The following MSI2 variants were observed in gnomAD, a reference collection of about 807,000 sequenced individuals.
MSI2 encodes the protein musashi RNA binding protein 2.
A neutral mutation model predicts 45.6 loss-of-function variants in MSI2; 17 were observed. That is an observed-to-expected ratio of 0.37 (90% CI 0.26 to 0.56). The LOEUF is 0.56. MSI2 is among the 20% of genes least tolerant of loss of function. The pLI, the probability that MSI2 is intolerant of heterozygous loss-of-function variation, is 0.77. For missense variants in MSI2, 293 were observed against 444.2 expected (o/e 0.66, Z 3.06); for synonymous variants, 156 against 158.2 (o/e 0.99, Z 0.11).
Position 57,681,409 on chromosome 17 carries a change from G to A in MSI2, c.*1892G>A, listed in dbSNP as rs1913587051. Reference sequence around the variant, plus strand: ...TTAAATTGTTACGTTTATAAATTTGGTACTTAAGGCACAGCCAGTATGAGA... The same window carrying A: ...TTAAATTGTTACGTTTATAAATTTGATACTTAAGGCACAGCCAGTATGAGA... On this transcript the variant is annotated 3_prime_UTR_variant, in exon 14 of 14. Transcript: ENST00000284073. 1 of 178,702 alleles carries A rather than the reference G, an allele frequency of 5.6e-6. No individual in the cohort carries two copies. The highest frequency in any genetic ancestry group is 6.3e-5 in the Admixed American group (1 of 15,870). 11.1% of individuals were successfully genotyped at this position (178,702 alleles called of 1,614,324 possible). A position where few individuals can be genotyped will look rare whatever the true frequency, so the allele number is the denominator to read the frequency against.
At chr17:57,700,844 G>A in the MSI2 span, among the ~76,000 whole-genome samples, 22 of 152,056 alleles carry the variant, frequency 1.4e-4, no homozygotes, top group East Asian at 3.3e-3. Context: ...GGGGGTTGCA[G>A]TGAGCCGAGA....
At chr17:57,502,602 G>GATAGATAGATAGAT (rs1190802566) in intron 6 of MSI2, among the ~76,000 whole-genome samples, 2 of 54,414 alleles carry the variant, frequency 3.7e-5, no homozygotes, top group African/African-American at 1.2e-4. Flanking sequence ...ATGACTCTGA[G>GATAGATAGATAGAT]ATATATATAT....
chr17:57,389,466 T>G (rs1045263324), intron 5 of MSI2, among the ~76,000 whole-genome samples: 1 of 152,204 alleles, frequency 6.6e-6, no homozygotes, highest in Non-Finnish European at 1.5e-5. Context: ...CCTTTCTTCC[T>G]GGCTCTCCCC....
intron 6 of MSI2, among the ~76,000 whole-genome samples, chr17:57,489,231 T>A (rs1010058953): frequency 6.6e-6 from 1 of 152,014 alleles, no homozygotes; most frequent in African/African-American, 2.4e-5. Context: ...CCCACTTCCA[T>A]GAGTTTATGA....
chr17:57,621,343 T>C (rs977290209), intron 9 of MSI2, among the ~76,000 whole-genome samples: 1 of 152,258 alleles, frequency 6.6e-6, no homozygotes, highest in African/African-American at 2.4e-5. Flanking sequence ...GTTTCCATGA[T>C]TTAAACTTTT....
chr17:57,655,211 CT>C (rs1049818574), intron 11 of MSI2, among the ~76,000 whole-genome samples: 1 of 152,198 alleles, frequency 6.6e-6, no homozygotes, highest in African/African-American at 2.4e-5. Context: ...TCCTAGATAA[CT>C]TCACTATCAG....
At chr17:57,493,815 A>G (rs1239599685) in intron 6 of MSI2, among the ~76,000 whole-genome samples, 3 of 152,080 alleles carry the variant, frequency 2.0e-5, no homozygotes, top group East Asian at 1.9e-4. Context: ...TCATGTGGGC[A>G]TGAAAGTGAT....
At chr17:57,313,964 G>A (rs1375751507) in intron 5 of MSI2, among the ~76,000 whole-genome samples, 1 of 152,176 alleles carries the variant, frequency 6.6e-6, no homozygotes, top group African/African-American at 2.4e-5. Flanking sequence ...GTGTAACAAA[G>A]TACCACGGAC....
At chr17:57,495,692 G>A (rs1405908633) in intron 6 of MSI2, among the ~76,000 whole-genome samples, 1 of 151,976 alleles carries the variant, frequency 6.6e-6, no homozygotes, top group Non-Finnish European at 1.5e-5. Flanking sequence ...GATTCCTGGT[G>A]GTCCCATCCT....
intron 5 of MSI2, among the ~76,000 whole-genome samples, chr17:57,346,348 T>TG (rs61454049): frequency 0.19 from 24,673 of 127,834 alleles, 2,350 homozygotes; most frequent in Middle Eastern, 0.23. Context: ...TAACACATTT[T>TG]GGGGGGGGGG....
chr17:57,287,652 C>T (rs965303635), intron 5 of MSI2, among the ~76,000 whole-genome samples: 6 of 152,288 alleles, frequency 3.9e-5, no homozygotes, highest in African/African-American at 1.4e-4. Context: ...TCGGCTCCTA[C>T]GTGGGGCATT....
At chr17:57,367,267 T>C (rs1421127900) in intron 5 of MSI2, among the ~76,000 whole-genome samples, 1 of 152,214 alleles carries the variant, frequency 6.6e-6, no homozygotes, top group Non-Finnish European at 1.5e-5. Flanking sequence ...GGGTGTGTTT[T>C]TCTGAATTGT....
intron 6 of MSI2, among the ~76,000 whole-genome samples, chr17:57,487,748 C>T (rs569782654): frequency 4.7e-4 from 71 of 151,746 alleles, no homozygotes; most frequent in African/African-American, 1.7e-3. Context: ...TCTCTTGTCT[C>T]TTTAAAGGGA....
chr17:57,503,187 G>A (rs2086155054), intron 6 of MSI2, among the ~76,000 whole-genome samples: 1 of 152,180 alleles, frequency 6.6e-6, no homozygotes, highest in Admixed American at 6.5e-5. Context: ...GAATGAAAGA[G>A]AGCTGATGGG....
chr17:57,684,872 A>G (rs998872298), downstream of MSI2, among the ~76,000 whole-genome samples: 26 of 152,266 alleles, frequency 1.7e-4, no homozygotes, highest in African/African-American at 6.3e-4. Context: ...TTGTGGCACC[A>G]TTTTTATGAA....
At chr17:57,333,898 G>A (rs1289513728) in intron 5 of MSI2, among the ~76,000 whole-genome samples, 1 of 152,196 alleles carries the variant, frequency 6.6e-6, no homozygotes, top group Non-Finnish European at 1.5e-5. Context: ...AGTGTGGCAT[G>A]TCTGGCCCAA....
chr17:57,674,428 AT>A (rs138385552), intron 11 of MSI2, among the ~76,000 whole-genome samples: 30 of 150,472 alleles, frequency 2.0e-4, no homozygotes, highest in East Asian at 1.9e-3. Flanking sequence ...CTCTGCAAAG[AT>A]TTTTTTTTTC....
At chr17:57,421,249 C>T (rs2084389779) in intron 6 of MSI2, among the ~76,000 whole-genome samples, 2 of 152,102 alleles carry the variant, frequency 1.3e-5, no homozygotes, top group Admixed American at 1.3e-4. Context: ...CTTAATGGCC[C>T]CGTGGCAGTC....
At chr17:57,313,481 C>T (rs1479988720) in intron 5 of MSI2, among the ~76,000 whole-genome samples, 1 of 152,206 alleles carries the variant, frequency 6.6e-6, no homozygotes, top group African/African-American at 2.4e-5. Flanking sequence ...AACCAGCTGC[C>T]TCTGAGGGCT....
Sources: gnomAD v4.1 joint callset for allele counts (sites outside exome capture counted in the v4.1 genomes callset) on GRCh38, gnomAD v4.1.1 for gene constraint, MANE v1.5 for transcripts, NCBI Gene and HGNC (gene_info 2026-07-23, HGNC 2026-07-21) for gene names.